The following CSMD1 variants were observed in gnomAD, a reference collection of about 807,000 sequenced individuals.
CSMD1 encodes the protein CUB and Sushi multiple domains 1, also known as CUB and sushi domain-containing protein 1.
In CSMD1, 213 loss-of-function variants were observed where a neutral mutation model predicts 417.5. That is an observed-to-expected ratio of 0.51 (90% CI 0.46 to 0.57). CSMD1 has a LOEUF of 0.57. Among genes scored for constraint, CSMD1 ranks in the 20% least tolerant of loss-of-function variants. The probability of loss-of-function intolerance (pLI) is 0.00; values close to 1 mark genes in which losing one functional copy is unlikely to be tolerated. For missense variants in CSMD1, 6,923 were observed against 4,529.7 expected (o/e 1.53, Z -15.17); for synonymous variants, 2,862 against 1,736.8 (o/e 1.65, Z -16.11).
At chr8:4,414,782 T>C (rs537146971) in intron 3 of CSMD1, among the ~76,000 whole-genome samples, 2 of 152,314 alleles carry the variant, frequency 1.3e-5, no homozygotes, top group South Asian at 2.1e-4. Context: ...GTATGTATCA[T>C]GTGCCAAGTG....
At chr8:4,823,555 G>T (rs73181555) in intron 1 of CSMD1, among the ~76,000 whole-genome samples, 1 of 151,892 alleles carries the variant, frequency 6.6e-6, no homozygotes. Flanking sequence ...CCAAGCCCTC[G>T]TAGTATATGA....
chr8:2,980,566 C>T lies in CSMD1; in HGVS notation c.8378-1766G>A, dbSNP rs566830913. ...AGGTTCACTGGCAGACATTTATTTA[C>T]TGGTGCAGTAACAACAGGATCCAGT... On this transcript the variant is annotated intron_variant, in intron 54 of 69. Coordinates refer to ENST00000635120, the MANE Select transcript of CSMD1 (RefSeq NM_033225.6). Among the ~76,000 whole-genome samples the T allele has an allele frequency of 2.6e-4, 39 of 151,968 alleles. No homozygotes were observed. In the South Asian group the frequency reaches 3.9e-3, roughly 15 times the overall value.
chr8:4,229,751 T>A (rs115982012), intron 3 of CSMD1, among the ~76,000 whole-genome samples: 1 of 152,126 alleles, frequency 6.6e-6, no homozygotes, highest in East Asian at 1.9e-4. Context: ...TGCTTCTACA[T>A]AGCATATCAC....
rs564868995 is a variant in CSMD1 at position 3,824,621 on chromosome 8, G to GTTT, written c.819-70582_819-70580dup. On this transcript the variant is annotated intron_variant, in intron 5 of 69. Coordinates refer to ENST00000635120, the MANE Select transcript of CSMD1 (RefSeq NM_033225.6). ...ACATACGGTAAGATATTTTATTAAT[G>GTTT]TTTTTCTACTGATTACATGCTGAAA... is the stretch of plus-strand genomic sequence containing the variant. Among the ~76,000 whole-genome samples, 29 of 152,244 alleles carry GTTT rather than the reference G, an allele frequency of 1.9e-4. 1 individual carries two copies. The South Asian group carries it at 4.8e-3, about 25-fold the overall frequency.
intron 8 of CSMD1, among the ~76,000 whole-genome samples, chr8:3,616,025 CTT>C (rs1209427770): frequency 6.6e-6 from 1 of 152,084 alleles, no homozygotes; most frequent in Non-Finnish European, 1.5e-5. Flanking sequence ...TCTGAATAAA[CTT>C]TACTGACTGA....
intron 3 of CSMD1, among the ~76,000 whole-genome samples, chr8:4,252,740 G>T (rs142863550): frequency 6.6e-6 from 1 of 152,160 alleles, no homozygotes; most frequent in Non-Finnish European, 1.5e-5. Flanking sequence ...TTATGAGAGC[G>T]CTTTTAGATG....
chr8:3,296,496 A>G (rs1221221799), intron 25 of CSMD1, among the ~76,000 whole-genome samples: 1 of 152,126 alleles, frequency 6.6e-6, no homozygotes, highest in African/African-American at 2.4e-5. Context: ...TTTAAGGATG[A>G]TATACCAAGG....
chr8:4,382,867 A>C (rs1803194226), intron 3 of CSMD1, among the ~76,000 whole-genome samples: 1 of 152,204 alleles, frequency 6.6e-6, no homozygotes, highest in Non-Finnish European at 1.5e-5. Flanking sequence ...CAAGGAGCTC[A>C]AGGCGCAGTA....
At chr8:4,563,484 G>A (rs535936444) in intron 2 of CSMD1, among the ~76,000 whole-genome samples, 72 of 152,198 alleles carry the variant, frequency 4.7e-4, no homozygotes, top group Admixed American at 2.3e-3. Context: ...AGGCTCTCCC[G>A]TTCAGTATTC....
At chr8:4,152,064 C>G (rs780381565) in intron 3 of CSMD1, among the ~76,000 whole-genome samples, 1 of 151,958 alleles carries the variant, frequency 6.6e-6, no homozygotes, top group Non-Finnish European at 1.5e-5. Flanking sequence ...ATTTTTTTCC[C>G]TTTATTAAGA....
At chr8:3,343,122 C>T (rs999687967) in intron 23 of CSMD1, among the ~76,000 whole-genome samples, 172 bp downstream of exon 23, 1 of 152,092 alleles carries the variant, frequency 6.6e-6, no homozygotes, top group South Asian at 2.1e-4. Context: ...TTTCAAGCTA[C>T]TAGTAATGTG....
chr8:3,196,829 GA>G (rs1796730817), intron 33 of CSMD1, among the ~76,000 whole-genome samples: 1 of 152,082 alleles, frequency 6.6e-6, no homozygotes, highest in African/African-American at 2.4e-5. Flanking sequence ...TGGGAGAGTG[GA>G]TAATGACCAT....
intron 1 of CSMD1, among the ~76,000 whole-genome samples, chr8:4,955,981 T>C (rs893963414): frequency 5.9e-5 from 9 of 152,220 alleles, no homozygotes; most frequent in African/African-American, 2.2e-4. Flanking sequence ...TTCTGTGATT[T>C]TCAGTATCTG....
chr8:3,449,943 C>G (rs1815579362), intron 12 of CSMD1, among the ~76,000 whole-genome samples: 1 of 152,228 alleles, frequency 6.6e-6, no homozygotes, highest in African/African-American at 2.4e-5. Flanking sequence ...AGTCTTAAGA[C>G]TCACACAGCT....
intron 3 of CSMD1, among the ~76,000 whole-genome samples, chr8:4,278,273 G>A (rs1269225335): frequency 1.3e-5 from 2 of 152,096 alleles, no homozygotes; most frequent in Admixed American, 6.6e-5. Flanking sequence ...TTCAATGGAT[G>A]GAGTGTAAAG....
At chr8:3,182,000 A>G (rs1049593844) in intron 36 of CSMD1, among the ~76,000 whole-genome samples, 6 of 152,228 alleles carry the variant, frequency 3.9e-5, no homozygotes, top group African/African-American at 1.4e-4. Context: ...TGTATGTTCA[A>G]TACTCTAGTA....
chr8:3,633,186 C>A (rs747590006), intron 7 of CSMD1, among the ~76,000 whole-genome samples: 2 of 152,088 alleles, frequency 1.3e-5, no homozygotes, highest in Non-Finnish European at 2.9e-5. Flanking sequence ...ATGAACACAC[C>A]TTTTCTCACA....
rs371208795 is a variant in CSMD1 at position 4,689,318 on chromosome 8, G to T, written c.86-51760C>A. Reference sequence around the variant, plus strand: ...AGGAAGGTATATTTGGGTTTTGCTAGTCAAATACTTGATCTTCATAATGCT... The same window carrying T: ...AGGAAGGTATATTTGGGTTTTGCTATTCAAATACTTGATCTTCATAATGCT... On this transcript the variant is annotated intron_variant, in intron 1 of 69. Coordinates refer to ENST00000635120, the MANE Select transcript of CSMD1 (RefSeq NM_033225.6). Among the ~76,000 whole-genome samples the T allele has an allele frequency of 2.6e-5, 4 of 152,278 alleles. No homozygotes were observed. In the East Asian group the frequency reaches 7.7e-4, roughly 29 times the overall value.
chr8:3,156,007 T>G (rs1819505736), intron 39 of CSMD1, among the ~76,000 whole-genome samples: 1 of 152,198 alleles, frequency 6.6e-6, no homozygotes, highest in South Asian at 2.1e-4. Context: ...GTGGGGAAAT[T>G]AGGCTGTCAG....
Sources: allele counts gnomAD v4.1 joint callset (sites outside exome capture counted in the v4.1 genomes callset), GRCh38; gene constraint gnomAD v4.1.1; transcripts MANE v1.5; gene names NCBI Gene and HGNC (gene_info 2026-07-23, HGNC 2026-07-21).